The following MCC variants were observed in gnomAD, a reference collection of about 807,000 sequenced individuals.
The protein encoded by MCC is colorectal mutant cancer protein.
A neutral mutation model predicts 116.2 loss-of-function variants in MCC; 90 were observed. The observed-to-expected ratio is 0.77, with a 90% CI of 0.65 to 0.92. MCC has a LOEUF of 0.92. MCC is among the 40% of genes least tolerant of loss of function. The pLI is 0.00. For synonymous variants in MCC, 578 were observed against 510.5 expected (o/e 1.13, Z -1.78); for missense variants, 1,516 against 1,312.2 (o/e 1.16, Z -2.40).
At chr5:113,172,686 G>A (rs752829120) in intron 3 of MCC, among the ~76,000 whole-genome samples, 3 of 152,188 alleles carry the variant, frequency 2.0e-5, no homozygotes, top group Non-Finnish European at 2.9e-5. Context: ...ATTATAGAAT[G>A]TGTAACCAAT....
chr5:113,317,834 C>G (rs1378532688), intron 3 of MCC, among the ~76,000 whole-genome samples: 1 of 152,132 alleles, frequency 6.6e-6, no homozygotes, highest in African/African-American at 2.4e-5. Context: ...TCAGAACACC[C>G]AGATGGCCCA....
chr5:113,247,615 G>C (rs970022240), intron 3 of MCC, among the ~76,000 whole-genome samples: 5 of 152,160 alleles, frequency 3.3e-5, no homozygotes, highest in African/African-American at 1.2e-4. Context: ...ACTGAAGAAG[G>C]GCTGGAGGCA....
chr5:113,117,208 C>A (rs940977646), intron 6 of MCC, among the ~76,000 whole-genome samples: 3 of 152,218 alleles, frequency 2.0e-5, no homozygotes, highest in African/African-American at 7.2e-5. Context: ...CTCTGAGTGG[C>A]TGCTTGACAC....
At chr5:113,458,713 G>C (rs1393845616) in intron 1 of MCC, among the ~76,000 whole-genome samples, 1 of 152,210 alleles carries the variant, frequency 6.6e-6, no homozygotes, top group Non-Finnish European at 1.5e-5. Flanking sequence ...CTACTGACCT[G>C]AGCTGCTGAG....
chr5:113,229,581 G>A (rs1278215684), intron 3 of MCC, among the ~76,000 whole-genome samples: 8 of 152,092 alleles, frequency 5.3e-5, no homozygotes, highest in Non-Finnish European at 1.2e-4. Flanking sequence ...CAATCACTCC[G>A]GCAAGTGTTT....
At chr5:113,284,031 C>T (rs1478395243) in intron 3 of MCC, among the ~76,000 whole-genome samples, 5 of 152,142 alleles carry the variant, frequency 3.3e-5, no homozygotes, top group Admixed American at 6.5e-5. Context: ...AGCTTACTTT[C>T]GGACTATGGT....
chr5:113,230,473 T>C (rs1191624375), intron 3 of MCC, among the ~76,000 whole-genome samples: 1 of 152,174 alleles, frequency 6.6e-6, no homozygotes, highest in South Asian at 2.1e-4. Flanking sequence ...ACATTGCCCA[T>C]CTTATCATTC....
At chr5:113,387,539 A>G (rs1769291891) in intron 1 of MCC, among the ~76,000 whole-genome samples, 1 of 152,206 alleles carries the variant, frequency 6.6e-6, no homozygotes. Context: ...TATTTAGAGA[A>G]TAGTCTTAAA....
intron 3 of MCC, among the ~76,000 whole-genome samples, chr5:113,278,838 G>A (rs919539456): frequency 1.3e-5 from 2 of 152,212 alleles, no homozygotes; most frequent in Non-Finnish European, 2.9e-5. Context: ...ACAGCTGAAT[G>A]CTCTTCTTGA....
chr5:113,107,625 T>C (rs1756824847), intron 6 of MCC, among the ~76,000 whole-genome samples: 1 of 152,212 alleles, frequency 6.6e-6, no homozygotes, highest in African/African-American at 2.4e-5. Flanking sequence ...AATGACCACG[T>C]ACCCTCTGGT....
At chr5:113,321,819 T>G (rs1767429133) in intron 3 of MCC, among the ~76,000 whole-genome samples, 1 of 152,084 alleles carries the variant, frequency 6.6e-6, no homozygotes, top group South Asian at 2.1e-4. Flanking sequence ...TGCCCATGAT[T>G]TGTATTTCTT....
At chr5:113,255,723 C>T (rs191155316) in intron 3 of MCC, among the ~76,000 whole-genome samples, 3 of 152,308 alleles carry the variant, frequency 2.0e-5, no homozygotes, top group South Asian at 2.1e-4. Flanking sequence ...TAAATATTTA[C>T]GTGGCCCCAA....
intron 1 of MCC, among the ~76,000 whole-genome samples, chr5:113,412,782 GC>G (rs1312924618): frequency 6.6e-6 from 1 of 152,144 alleles, no homozygotes; most frequent in African/African-American, 2.4e-5. Flanking sequence ...TTGCCTGACT[GC>G]CCTGGCCAGA....
intron 17 of MCC, among the ~76,000 whole-genome samples, chr5:113,034,201 A>AT (rs1188349021): frequency 6.6e-6 from 1 of 151,578 alleles, no homozygotes; most frequent in Admixed American, 6.6e-5. Context: ...CACCTGGTGG[A>AT]TTCTTTTTAA....
chr5:113,121,964 T>A (rs1433899424), intron 6 of MCC, among the ~76,000 whole-genome samples: 1 of 152,352 alleles, frequency 6.6e-6, no homozygotes, highest in East Asian at 1.9e-4. Context: ...TGTAACATTT[T>A]GACTGCAACC....
intron 1 of MCC, among the ~76,000 whole-genome samples, chr5:113,469,291 A>G (rs1215578159): frequency 6.6e-6 from 1 of 151,532 alleles, no homozygotes; most frequent in Non-Finnish European, 1.5e-5. Flanking sequence ...TCGATTTTAG[A>G]TCTTTCCTGC....
intron 2 of MCC, among the ~76,000 whole-genome samples, chr5:113,357,572 G>T (rs1327904773): frequency 6.6e-6 from 1 of 152,152 alleles, no homozygotes; most frequent in African/African-American, 2.4e-5. Flanking sequence ...TCTCCCAATA[G>T]ACAGAAAAAA....
chr5:113,075,172 G>C (rs1754340624), intron 11 of MCC, among the ~76,000 whole-genome samples: 1 of 152,240 alleles, frequency 6.6e-6, no homozygotes, highest in African/African-American at 2.4e-5. Flanking sequence ...GAGGGGCTTA[G>C]CACCCGGGCC....
In MCC at chr5:113,340,593, G is replaced by A. The variant is rs752926068; in HGVS notation, c.553C>T (p.Leu185Phe). ...GGGGACTGTGTGAGCAGTTTGTGGA[G>A]AGCAGCCTGCTGATGCAAAGAGCTT... ...GGSSLHQQAA[L>F]HKLLTQSPHI... The change falls in exon 3 of 19, where the codon CTC (leucine) becomes TTC (phenylalanine). Residue 185 changes from leucine to phenylalanine, a missense_variant. Physicochemically the swap from Leu to Phe is conservative, Grantham distance 22. Coordinates refer to ENST00000408903, the MANE Select transcript of MCC (RefSeq NM_001085377.2). The A allele has an allele frequency of 7.4e-6, 12 of 1,614,042 alleles. No homozygotes were observed. The highest frequency in any genetic ancestry group is 3.3e-4 in the Middle Eastern group (2 of 6,080).
Sources: allele counts gnomAD v4.1 joint callset (sites outside exome capture counted in the v4.1 genomes callset), GRCh38; gene constraint gnomAD v4.1.1; transcripts MANE v1.5; gene names NCBI Gene and HGNC (gene_info 2026-07-23, HGNC 2026-07-21).